The following CWC22 variants were observed in gnomAD, a reference collection of about 807,000 sequenced individuals.
CWC22 encodes pre-mRNA-splicing factor CWC22 homolog.
In CWC22, 53 loss-of-function variants were observed where a neutral mutation model predicts 117.2. The ratio of observed to expected loss-of-function variants is 0.45; its 90% CI spans 0.36 to 0.57. The LOEUF (loss-of-function observed/expected upper bound fraction) is 0.57, where lower values mean the gene tolerates loss of function less well. Among genes scored for constraint, CWC22 ranks in the 20% least tolerant of loss-of-function variants. The pLI, the probability that CWC22 is intolerant of heterozygous loss-of-function variation, is 0.00. For missense variants in CWC22, 980 were observed against 1,068.8 expected, an observed-to-expected ratio of 0.92 and a Z score of 1.16; for synonymous variants, 360 against 355.6, an observed-to-expected ratio of 1.01 and a Z score of -0.14.
At position 179,965,438 on chromosome 2, in the gene CWC22, T is replaced by C. The variant is rs145256547; in HGVS notation, c.1315+440A>G. On this transcript the variant is annotated intron_variant, in intron 12 of 19. Coordinates refer to ENST00000410053, the MANE Select transcript of CWC22 (RefSeq NM_020943.3). ...AGAACATACTACTTCTGTGTAAATA[T>C]AGCTTTTGGCATCTTCACTCTATTT... 3.5e-3 allele frequency among the ~76,000 whole-genome samples: 534 copies of C among 152,304 alleles called. 5 individuals are homozygous for C. Among genetic ancestry groups the C allele is most frequent in the East Asian group, 0.012 (60 of 5,182 alleles).
chr2:179,978,249 G>A lies in CWC22; in HGVS notation c.522C>T (p.Asn174=), dbSNP rs776745160. 6.4e-7 allele frequency: 1 copy of A among 1,574,410 alleles called. No individual in the cohort carries two copies. The highest frequency in any genetic ancestry group is 1.4e-5 in the African/African-American group (1 of 73,416). Residue 174 remains asparagine, a synonymous_variant, in exon 6 of 20, where the codon AAC becomes AAT. Coordinates refer to ENST00000410053, the MANE Select transcript of CWC22 (RefSeq NM_020943.3). ...GAATAATAATACTTATGTTGGAAAT[G>A]TTGACTTTGTTGATAAGGCCATTAA... ...KSINGLINKV[N]ISNISIIIQE... is the part of the protein sequence containing the mutation.
At chr2:179,978,082 C>T (rs1194778853) in intron 6 of CWC22, 108 bp downstream of exon 6, 1 of 1,189,178 alleles carries the variant, frequency 8.4e-7, no homozygotes, top group Non-Finnish European at 1.1e-6. Flanking sequence ...TTCTCAATGA[C>T]CTTTGAAATG....
chr2:179,963,601 C>T (rs1686813800), intron 13 of CWC22, among the ~76,000 whole-genome samples: 2 of 151,906 alleles, frequency 1.3e-5, no homozygotes, highest in South Asian at 4.1e-4. Context: ...CTCGGCCTCC[C>T]AAAGTGCTGG....
Position 179,971,038 on chromosome 2 carries a change from G to C in CWC22, c.843C>G (p.Leu281=), listed in dbSNP as rs147251105. 2,311 of 1,605,906 alleles carry C rather than the reference G, an allele frequency of 1.4e-3. 34 individuals are homozygous for C. The African/African-American group carries it at 0.025, about 18-fold the overall frequency. ...CGCTATCATCTGTTGGTCTTTCCAG[G>C]AGCAAAGTGAGCATCTCTAAGCATA... ...EVLCLEMLTL[L]LERPTDDSVE... Residue 281 remains leucine, a synonymous_variant, in exon 9 of 20, where the codon CTC becomes CTG. Coordinates refer to ENST00000410053, the MANE Select transcript of CWC22 (RefSeq NM_020943.3).
intron 1 of CWC22, among the ~76,000 whole-genome samples, chr2:180,002,794 A>G (rs1404552860): frequency 6.6e-6 from 1 of 152,256 alleles, no homozygotes; most frequent in Non-Finnish European, 1.5e-5. Flanking sequence ...AGGAAATACG[A>G]TAAGCATGTG....
intron 1 of CWC22, among the ~76,000 whole-genome samples, chr2:179,993,922 TAA>T (rs1447371686): frequency 6.6e-6 from 1 of 152,134 alleles, no homozygotes; most frequent in African/African-American, 2.4e-5. Flanking sequence ...CATTAAGAAA[TAA>T]ATTTAATCCA....
chr2:179,990,367 T>C (rs1687529165), intron 2 of CWC22, among the ~76,000 whole-genome samples: 1 of 152,174 alleles, frequency 6.6e-6, no homozygotes, highest in South Asian at 2.1e-4. Flanking sequence ...ACAATATTTA[T>C]ACTGATCACT....
At chr2:179,958,341 A>AG (rs1173515089) in intron 14 of CWC22, among the ~76,000 whole-genome samples, 1 of 150,280 alleles carries the variant, frequency 6.7e-6, no homozygotes, top group Non-Finnish European at 1.5e-5. Flanking sequence ...AAAAAAAAAA[A>AG]AAAAAAAAAG....
chr2:179,992,564 T>C (rs1239942944), intron 2 of CWC22, among the ~76,000 whole-genome samples: 4 of 152,196 alleles, frequency 2.6e-5, no homozygotes, highest in Admixed American at 2.6e-4. Flanking sequence ...CTTTTCTCCA[T>C]AGGACAATTC....
chr2:179,995,431 C>G (rs908041152), intron 1 of CWC22, among the ~76,000 whole-genome samples: 3 of 152,058 alleles, frequency 2.0e-5, no homozygotes, highest in African/African-American at 7.2e-5. Context: ...TATCAAAAGT[C>G]AAATAAAAAA....
chr2:179,947,441 T>C (rs1686338661), intron 19 of CWC22, among the ~76,000 whole-genome samples: 1 of 152,258 alleles, frequency 6.6e-6, no homozygotes, highest in Non-Finnish European at 1.5e-5. Flanking sequence ...ATGTTTGCAT[T>C]ATAATTTCCT....
At chr2:179,994,365 T>C (rs1687647467) in intron 1 of CWC22, among the ~76,000 whole-genome samples, 1 of 152,188 alleles carries the variant, frequency 6.6e-6, no homozygotes, top group African/African-American at 2.4e-5. Context: ...TCTGGTCCAA[T>C]TCCTTCTTTT....
chr2:180,003,295 C>G (rs1258414071), intron 1 of CWC22, among the ~76,000 whole-genome samples: 3 of 152,198 alleles, frequency 2.0e-5, no homozygotes, highest in Non-Finnish European at 4.4e-5. Context: ...AGTTCCTTTG[C>G]AGGCACTGCA....
chr2:180,006,340 C>T (rs2105571999), intron 1 of CWC22, among the ~76,000 whole-genome samples: 1 of 152,152 alleles, frequency 6.6e-6, no homozygotes, highest in East Asian at 1.9e-4. Context: ...ATTATATTTC[C>T]GTTATATAAT....
At chr2:179,984,215 CA>C (rs1388064443) in intron 4 of CWC22, among the ~76,000 whole-genome samples, 3 of 152,032 alleles carry the variant, frequency 2.0e-5, no homozygotes, top group Admixed American at 2.0e-4. Flanking sequence ...CAACATCTAC[CA>C]GATGTTTAAA....
At chr2:179,954,920 C>T (rs948341582) in intron 15 of CWC22, 37 bp downstream of exon 15, 3 of 1,149,838 alleles carry the variant, frequency 2.6e-6, no homozygotes, top group Admixed American at 2.0e-5. Flanking sequence ...TTACAATATT[C>T]GTTTTAAGAA....
At chr2:179,996,454 C>T (rs1247562917) in intron 1 of CWC22, among the ~76,000 whole-genome samples, 1 of 151,660 alleles carries the variant, frequency 6.6e-6, no homozygotes, top group East Asian at 1.9e-4. Context: ...ATAGTTAAAG[C>T]CAAAGATAAA....
At chr2:179,947,740 C>T (rs1184577393) in intron 19 of CWC22, among the ~76,000 whole-genome samples, 1 of 152,100 alleles carries the variant, frequency 6.6e-6, no homozygotes, top group Admixed American at 6.5e-5. Flanking sequence ...AAAAAAACAG[C>T]CCCACAATTC....
intron 11 of CWC22, among the ~76,000 whole-genome samples, chr2:179,968,698 G>A (rs1251850057): frequency 6.6e-5 from 10 of 151,656 alleles, no homozygotes; most frequent in Admixed American, 1.3e-4. Context: ...CTCCTGACTC[G>A]TTGGGATTAT....
Sources: allele counts gnomAD v4.1 joint callset (sites outside exome capture counted in the v4.1 genomes callset), GRCh38; gene constraint gnomAD v4.1.1; transcripts MANE v1.5; gene names NCBI Gene and HGNC (gene_info 2026-07-23, HGNC 2026-07-21).